Variants in TMEM230 observed in about 807,000 individuals in gnomAD.
TMEM230 encodes transmembrane protein 230.
A neutral mutation model predicts 15.8 loss-of-function variants in TMEM230; 10 were observed. The ratio of observed to expected loss-of-function variants is 0.63; its 90% CI spans 0.39 to 1.07. The LOEUF is 1.07. TMEM230 is among the 50% of genes least tolerant of loss of function. The pLI, the probability that TMEM230 is intolerant of heterozygous loss-of-function variation, is 0.01. For synonymous variants in TMEM230, 67 were observed against 76.9 expected (o/e 0.87, Z 0.68); for missense variants, 165 against 193.3 (o/e 0.85, Z 0.87).
intron 3 of TMEM230, among the ~76,000 whole-genome samples, chr20:5,090,838 A>G (rs2089487589): frequency 6.6e-6 from 1 of 152,216 alleles, no homozygotes; most frequent in Non-Finnish European, 1.5e-5. Context: ...GATATAGTCA[A>G]TTGATAAGGC....
rs191363436 is a variant in TMEM230, at chr20:5,070,092, A to C, written c.223-743T>G. 1.3e-4 allele frequency among the ~76,000 whole-genome samples: 20 copies of C among 152,202 alleles called. No individual in the cohort carries two copies. In the East Asian group the frequency reaches 1.5e-3, roughly 12 times the overall value. On this transcript the variant is annotated intron_variant, in intron 3 of 3. Coordinates refer to the TMEM230 transcript ENST00000612323. Reference sequence around the variant, plus strand: ...CTTGTGTCTTCCCGGGCATGGAGTTAAGAAGCCTTACGGGTCTCATCTAGC... The same window carrying C: ...CTTGTGTCTTCCCGGGCATGGAGTTCAGAAGCCTTACGGGTCTCATCTAGC...
downstream of TMEM230, chr20:5,067,409 TCATATATATATATATATATATA>T (rs1188093122): frequency 2.7e-5 from 2 of 73,812 alleles, no homozygotes; most frequent in African/African-American, 1.0e-4. Context: ...GTGTTTAGGC[TCATATATATATATATATATATA>T]TATATATATA....
intron 1 of TMEM230, 191 bp downstream of exon 1, chr20:5,112,770 A>T (rs1568513794): frequency 9.5e-6 from 14 of 1,475,502 alleles, no homozygotes; most frequent in African/African-American, 1.4e-5. Flanking sequence ...CAGGGAGAGA[A>T]ATAAGAACCG....
At chr20:5,112,067 A>G (rs1435409480) in intron 1 of TMEM230, among the ~76,000 whole-genome samples, 1 of 152,188 alleles carries the variant, frequency 6.6e-6, no homozygotes, top group Admixed American at 6.6e-5. Flanking sequence ...GCTGGTCTCA[A>G]ACTCCTGACC....
chr20:5,109,038 T>G (rs2090204002), intron 3 of TMEM230: 1 of 194,416 alleles, frequency 5.1e-6, no homozygotes, highest in Non-Finnish European at 1.0e-5. Flanking sequence ...AAACTCCACT[T>G]AACAAAACAC....
intron 2 of TMEM230, 120 bp from the exon 2 acceptor site, chr20:5,109,565 G>T: frequency 1.4e-6 from 1 of 739,352 alleles, no homozygotes; most frequent in Non-Finnish European, 2.3e-6. Flanking sequence ...TGTCAGACTA[G>T]CAATGGGCAA....
At chr20:5,077,831 TAA>T (rs11477792) in intron 3 of TMEM230, among the ~76,000 whole-genome samples, 1 of 143,342 alleles carries the variant, frequency 7.0e-6, no homozygotes. Context: ...AAGACTCAAC[TAA>T]AAAAAAAAAA....
chr20:5,108,398 A>G (rs1347775003), intron 3 of TMEM230, among the ~76,000 whole-genome samples: 1 of 151,410 alleles, frequency 6.6e-6, no homozygotes, highest in African/African-American at 2.4e-5. Flanking sequence ...CAGCCTGGGA[A>G]ACAAGACTAA....
At chr20:5,108,420 CAAAAA>C (rs556966217) in intron 3 of TMEM230, among the ~76,000 whole-genome samples, 3 of 79,848 alleles carry the variant, frequency 3.8e-5, no homozygotes, top group Admixed American at 1.4e-4. Flanking sequence ...ACTCCGTCTC[CAAAAA>C]AAAAAAAAAA....
Position 5,101,411 on chromosome 20 carries a change from C to G in TMEM230, c.412-480G>C, listed in dbSNP as rs974104072. Among the ~76,000 whole-genome samples the G allele has an allele frequency of 2.6e-5, 4 of 152,130 alleles. No homozygotes were observed. In the South Asian group the frequency reaches 8.3e-4, roughly 32 times the overall value. ...TGTTTTTCTCAGCCTTTCAGGTTTT[C>G]TTTTCTTTCTCTTTTTTCTTTTTTT... On this transcript the variant is annotated intron_variant, in intron 4 of 4. Coordinates refer to ENST00000342308, the MANE Select transcript of TMEM230 (RefSeq NM_001009923.2).
intron 3 of TMEM230, among the ~76,000 whole-genome samples, chr20:5,076,826 C>T (rs546260296): frequency 5.6e-4 from 84 of 150,636 alleles, no homozygotes; most frequent in Non-Finnish European, 6.7e-4. Context: ...TACAGGCAAG[C>T]GCCACTACAC....
the TMEM230 span, among the ~76,000 whole-genome samples, chr20:5,062,231 GAA>G: frequency 1.6e-4 from 23 of 139,592 alleles, no homozygotes; most frequent in African/African-American, 6.0e-4. Context: ...TCAAAAAAAA[GAA>G]AAAAAAAAAG....
At position 5,076,961 on chromosome 20, in the gene TMEM230, A is replaced by G. The variant is rs550020343; in HGVS notation, c.223-7612T>C. Among the ~76,000 whole-genome samples the G allele has an allele frequency of 3.4e-4, 49 of 145,838 alleles. 1 individual carries two copies. The South Asian group carries it at 0.012, about 35-fold the overall frequency. On this transcript the variant is annotated intron_variant, in intron 3 of 3. Coordinates refer to the TMEM230 transcript ENST00000612323. ...TCAAAGTGCTGGGATTACAGGTGTG[A>G]GCCACCATGCCCAGTCAATTGATAT...
rs1295969475 is a variant in TMEM230 at position 5,112,959 on chromosome 20, ACCGGAGCG to A, written c.62_68+1del. ...CCCCGCCCTGCCGCACACACGCCTT[ACCGGAGCG>A]CCGCGCCAGGCCGCCCGCACACCCA... On this transcript the variant is annotated splice_donor_variant and coding_sequence_variant, in exon 1 of 5. Coordinates refer to ENST00000342308, the MANE Select transcript of TMEM230 (RefSeq NM_001009923.2). LOFTEE classifies it high-confidence loss of function. 2 of 1,550,136 alleles carry A rather than the reference ACCGGAGCG, an allele frequency of 1.3e-6. No homozygotes were observed. The highest frequency in any genetic ancestry group is 1.7e-6 in the Non-Finnish European group (2 of 1,146,938).
chr20:5,083,264 T>G (rs181035758), intron 3 of TMEM230, among the ~76,000 whole-genome samples: 2 of 149,756 alleles, frequency 1.3e-5, no homozygotes, highest in Non-Finnish European at 3.0e-5. Flanking sequence ...AGGGCCCATC[T>G]TTTTGAAGTT....
At chr20:5,095,634 A>AG (rs2089645117), downstream of TMEM230, among the ~76,000 whole-genome samples, 1 of 152,228 alleles carries the variant, frequency 6.6e-6, no homozygotes, top group South Asian at 2.1e-4. Context: ...GAGGAGGTCC[A>AG]GTCTCAAGGT....
chr20:5,106,437 C>G (rs1222278886), intron 3 of TMEM230, 127 bp from the exon 3 acceptor site: 1 of 1,197,074 alleles, frequency 8.4e-7, no homozygotes, highest in Non-Finnish European at 1.1e-6. Flanking sequence ...GAGTTTCGTT[C>G]TTGTTGCCCA....
intron 4 of TMEM230, among the ~76,000 whole-genome samples, chr20:5,102,373 C>T (rs75582229): frequency 0.018 from 2,745 of 152,200 alleles, 79 homozygotes; most frequent in African/African-American, 0.062. Context: ...TAGATGGTTT[C>T]GCTGCTGAAT....
chr20:5,062,201 A>C, the TMEM230 span, among the ~76,000 whole-genome samples: 1 of 151,460 alleles, frequency 6.6e-6, no homozygotes, highest in African/African-American at 2.4e-5. Context: ...CAGCCTAGGC[A>C]ACAAAAGTGA....
Sources: gnomAD v4.1 joint callset for allele counts (sites outside exome capture counted in the v4.1 genomes callset) on GRCh38, gnomAD v4.1.1 for gene constraint, MANE v1.5 for transcripts, NCBI Gene and HGNC (gene_info 2026-07-23, HGNC 2026-07-21) for gene names.